Variants in ANO6 observed in about 807,000 individuals in gnomAD.
The protein encoded by ANO6 is anoctamin 6, also known as anoctamin-6.
In ANO6, 106 loss-of-function variants were observed where a neutral mutation model predicts 117.5. That is an observed-to-expected ratio of 0.90 (90% CI 0.77 to 1.06). The LOEUF is 1.06. Ranked by LOEUF, ANO6 falls within the 50% of genes least tolerant of loss-of-function variation. The probability of loss-of-function intolerance (pLI) is 0.00; values close to 1 mark genes in which losing one functional copy is unlikely to be tolerated. For missense variants in ANO6, 955 were observed against 1,121.1 expected, an observed-to-expected ratio of 0.85 and a Z score of 2.12; for synonymous variants, 367 against 385.1, an observed-to-expected ratio of 0.95 and a Z score of 0.55.
At chr12:45,239,507 ATTT>A (rs140604714) in intron 1 of ANO6, among the ~76,000 whole-genome samples, 2 of 148,666 alleles carry the variant, frequency 1.3e-5, no homozygotes, top group African/African-American at 4.9e-5. Context: ...GGATTCATTG[ATTT>A]TTTTTTTTTG....
chr12:45,402,943 A>T, intron 13 of ANO6, 129 bp from the exon 14 acceptor site: 1 of 914,086 alleles, frequency 1.1e-6, no homozygotes, highest in Non-Finnish European at 1.7e-6. Context: ...AAAACAGCTT[A>T]AATGGAAACA....
rs550618706 is a variant in ANO6, at chr12:45,264,658, G to C, written c.71-37356G>C. On this transcript the variant is annotated intron_variant, in intron 1 of 19. Coordinates refer to ENST00000320560, the MANE Select transcript of ANO6 (RefSeq NM_001025356.3). ...AATGGTTAGTTGGTGAAACCTGACT[G>C]TGGATACATACATATTTATGTAAAT... Among the ~76,000 whole-genome samples the C allele has an allele frequency of 3.9e-5, 6 of 152,278 alleles. No individual in the cohort carries two copies. The South Asian group carries it at 1.2e-3, about 32-fold the overall frequency.
intron 1 of ANO6, among the ~76,000 whole-genome samples, chr12:45,240,924 T>C (rs1433496841): frequency 6.6e-6 from 1 of 152,248 alleles, no homozygotes; most frequent in Non-Finnish European, 1.5e-5. Flanking sequence ...GATGCGCTGT[T>C]TGTCTGATGG....
intron 7 of ANO6, among the ~76,000 whole-genome samples, chr12:45,352,989 T>C (rs1413412794): frequency 6.6e-6 from 1 of 152,216 alleles, no homozygotes; most frequent in African/African-American, 2.4e-5. Flanking sequence ...TTGAACATGT[T>C]CCTCTGTATT....
At chr12:45,298,776 T>C (rs896813078) in intron 1 of ANO6, among the ~76,000 whole-genome samples, 3 of 152,216 alleles carry the variant, frequency 2.0e-5, no homozygotes, top group African/African-American at 7.2e-5. Context: ...TACCGTTTAT[T>C]GGATAGAACA....
chr12:45,298,241 G>A (rs1939360055), intron 1 of ANO6, among the ~76,000 whole-genome samples: 1 of 152,186 alleles, frequency 6.6e-6, no homozygotes. Flanking sequence ...ACTGAAGATA[G>A]TACTTTTGCT....
At chr12:45,360,451 T>C (rs1317754802) in intron 8 of ANO6, among the ~76,000 whole-genome samples, 2 of 152,218 alleles carry the variant, frequency 1.3e-5, no homozygotes, top group African/African-American at 4.8e-5. Context: ...CCTAATCACT[T>C]GTTAAAGTCT....
At chr12:45,437,870 C>G (rs1164646328) in intron 19 of ANO6, among the ~76,000 whole-genome samples, 1 of 152,052 alleles carries the variant, frequency 6.6e-6, no homozygotes, top group East Asian at 1.9e-4. Flanking sequence ...CACCCGACCT[C>G]AAAACTTTTA....
intron 2 of ANO6, among the ~76,000 whole-genome samples, chr12:45,320,081 T>C (rs1232906165): frequency 6.6e-6 from 1 of 152,208 alleles, no homozygotes; most frequent in Non-Finnish European, 1.5e-5. Flanking sequence ...CCTGGATTCA[T>C]TGATTTTTTT....
chr12:45,324,617 G>A (rs76055438), intron 2 of ANO6, among the ~76,000 whole-genome samples: 1,944 of 152,272 alleles, frequency 0.013, 18 homozygotes, highest in Middle Eastern at 0.024. Context: ...TCTAAGACTG[G>A]AAATGGAAAC....
At chr12:45,291,941 G>C (rs961037927) in intron 1 of ANO6, among the ~76,000 whole-genome samples, 11 of 152,056 alleles carry the variant, frequency 7.2e-5, no homozygotes, top group Admixed American at 7.2e-4. Flanking sequence ...ATTATCGTAC[G>C]ATCCACAGTT....
At chr12:45,403,359 A>G in intron 14 of ANO6, 80 bp from the exon 15 acceptor site, 1 of 1,528,750 alleles carries the variant, frequency 6.5e-7, no homozygotes, top group Non-Finnish European at 9.1e-7. Context: ...AAACAGAACA[A>G]ATGTCAGAAA....
At chr12:45,353,326 T>C (rs1175762057) in intron 7 of ANO6, among the ~76,000 whole-genome samples, 1 of 152,150 alleles carries the variant, frequency 6.6e-6, no homozygotes. Flanking sequence ...TAAAATAAGA[T>C]TTTAAAAGAT....
chr12:45,296,072 G>A (rs1306220903), intron 1 of ANO6, among the ~76,000 whole-genome samples: 1 of 152,102 alleles, frequency 6.6e-6, no homozygotes, highest in Non-Finnish European at 1.5e-5. Flanking sequence ...CATTGCCCAG[G>A]CTGGTCTTGA....
At chr12:45,312,291 T>TA (rs1479020610) in intron 2 of ANO6, among the ~76,000 whole-genome samples, 1 of 152,030 alleles carries the variant, frequency 6.6e-6, no homozygotes, top group African/African-American at 2.4e-5. Flanking sequence ...ATAATTGAGT[T>TA]AAAGTTGAGA....
intron 2 of ANO6, among the ~76,000 whole-genome samples, chr12:45,322,028 C>T (rs1202781846): frequency 1.3e-5 from 2 of 152,042 alleles, no homozygotes; most frequent in African/African-American, 2.4e-5. Flanking sequence ...TGGGATTGTG[C>T]TAAGGTGCTG....
At chr12:45,318,020 T>C (rs559131731) in intron 2 of ANO6, among the ~76,000 whole-genome samples, 1 of 152,364 alleles carries the variant, frequency 6.6e-6, no homozygotes, top group African/African-American at 2.4e-5. Context: ...ATTTTGGATA[T>C]TAGCCCTTTG....
At chr12:45,280,868 T>TTA (rs780850139) in intron 1 of ANO6, among the ~76,000 whole-genome samples, 2,032 of 145,520 alleles carry the variant, frequency 0.014, 38 homozygotes, top group East Asian at 0.073. Flanking sequence ...ATATGTGTTT[T>TTA]TATATATATA....
intron 2 of ANO6, among the ~76,000 whole-genome samples, chr12:45,304,786 T>C (rs1281704666): frequency 6.6e-6 from 1 of 152,222 alleles, no homozygotes; most frequent in African/African-American, 2.4e-5. Context: ...TCTTGGCCGC[T>C]GGCATCATAA....
Sources: gnomAD v4.1 joint callset for allele counts (sites outside exome capture counted in the v4.1 genomes callset) on GRCh38, gnomAD v4.1.1 for gene constraint, MANE v1.5 for transcripts, NCBI Gene and HGNC (gene_info 2026-07-23, HGNC 2026-07-21) for gene names.